The following PKD2L2 variants were observed in gnomAD, a reference collection of about 807,000 sequenced individuals.
The protein encoded by PKD2L2 is polycystin 2 like 2, transient receptor potential cation channel.
A neutral mutation model predicts 83.9 loss-of-function variants in PKD2L2; 67 were observed. That is an observed-to-expected ratio of 0.80 (90% CI 0.66 to 0.98). The LOEUF (loss-of-function observed/expected upper bound fraction) is 0.98. Among genes scored for constraint, PKD2L2 ranks in the 50% least tolerant of loss-of-function variants. The pLI is 0.00. For missense variants in PKD2L2, 632 were observed against 717.2 expected, an observed-to-expected ratio of 0.88 and a Z score of 1.36; for synonymous variants, 223 against 237.8, an observed-to-expected ratio of 0.94 and a Z score of 0.57.
intron 4 of PKD2L2, among the ~76,000 whole-genome samples, 153 bp from the exon 5 acceptor site, chr5:137,899,363 T>C (rs550007963): frequency 3.7e-4 from 56 of 152,330 alleles, no homozygotes; most frequent in African/African-American, 1.3e-3. Flanking sequence ...GGGATCCGCC[T>C]ACCTCGGCCT....
chr5:137,914,031 C>CTTTTTT (rs58118724), intron 8 of PKD2L2, among the ~76,000 whole-genome samples: 1 of 42,342 alleles, frequency 2.4e-5, no homozygotes, highest in African/African-American at 9.6e-5. Flanking sequence ...CCACACTTGG[C>CTTTTTT]TTTTTTTTTT....
intron 8 of PKD2L2, among the ~76,000 whole-genome samples, chr5:137,921,239 T>C (rs1156645506): frequency 6.6e-6 from 1 of 151,944 alleles, no homozygotes; most frequent in Non-Finnish European, 1.5e-5. Context: ...TGCACACCTG[T>C]AATCCCAGCT....
intron 14 of PKD2L2, among the ~76,000 whole-genome samples, chr5:137,936,953 G>A (rs183265998): frequency 5.8e-4 from 88 of 152,298 alleles, no homozygotes; most frequent in Non-Finnish European, 8.4e-4. Context: ...ATTTTATAAT[G>A]AGGTTTATTA....
Position 137,919,314 on chromosome 5 carries a change from T to C in PKD2L2, c.1329-2322T>C, listed in dbSNP as rs371028459. ...ACAAAATGGATAAACTAAGCTCTAA[T>C]TAAGAAAAGAGACACTGTATTTGGA... On this transcript the variant is annotated intron_variant, in intron 8 of 14. Coordinates refer to ENST00000508883, the MANE Select transcript of PKD2L2 (RefSeq NM_001300921.2). Among the ~76,000 whole-genome samples, 37 of 152,284 alleles carry C rather than the reference T, an allele frequency of 2.4e-4. No homozygotes were observed. The South Asian group carries it at 7.7e-3, about 32-fold the overall frequency.
intron 12 of PKD2L2, among the ~76,000 whole-genome samples, chr5:137,929,067 G>C (rs1186900758): frequency 6.6e-6 from 1 of 152,166 alleles, no homozygotes; most frequent in African/African-American, 2.4e-5. Context: ...TAATTGGGTA[G>C]TAGAGGAGAG....
chr5:137,889,487 C>T lies in PKD2L2; in HGVS notation c.-5C>T. ...AACGAACGGGCGGTGTAGTGCAGGTCCGCCATGGCTGAGGCGTCACGGTGG... is the reference window on the plus strand; with the variant it reads ...AACGAACGGGCGGTGTAGTGCAGGTTCGCCATGGCTGAGGCGTCACGGTGG... On this transcript the variant is annotated 5_prime_UTR_variant, in exon 1 of 15. Coordinates refer to ENST00000508883, the MANE Select transcript of PKD2L2 (RefSeq NM_001300921.2). The T allele has an allele frequency of 1.3e-6, 2 of 1,571,636 alleles. No individual in the cohort carries two copies. Among genetic ancestry groups the T allele is most frequent in the Non-Finnish European group, 1.7e-6 (2 of 1,163,640 alleles).
At chr5:137,907,634 C>T (rs573145830) in intron 6 of PKD2L2, 108 bp from the exon 7 acceptor site, 2 of 539,120 alleles carry the variant, frequency 3.7e-6, no homozygotes, top group East Asian at 3.0e-5. Context: ...TCTTTCCTTC[C>T]CTCTTTGTTA....
chr5:137,901,411 GA>G (rs61675049), intron 5 of PKD2L2, among the ~76,000 whole-genome samples: 117,240 of 150,326 alleles, frequency 0.78, 46,156 homozygotes, highest in East Asian at 0.94. Flanking sequence ...CCCTATTCTG[GA>G]AAAAAAAAAA....
chr5:137,937,997 C>A (rs1760639249), intron 14 of PKD2L2: 1 of 151,642 alleles, frequency 6.6e-6, no homozygotes, highest in African/African-American at 2.4e-5. Context: ...AAAGTCTGTA[C>A]AATGAAGTGC....
At chr5:137,920,590 C>G (rs1758801877) in intron 8 of PKD2L2, among the ~76,000 whole-genome samples, 1 of 151,952 alleles carries the variant, frequency 6.6e-6, no homozygotes, top group African/African-American at 2.4e-5. Context: ...AACCCCATCT[C>G]TACTAAAAAT....
intron 8 of PKD2L2, among the ~76,000 whole-genome samples, chr5:137,918,737 A>G (rs1758605589): frequency 6.6e-6 from 1 of 152,164 alleles, no homozygotes; most frequent in Non-Finnish European, 1.5e-5. Flanking sequence ...AATAGACTCT[A>G]GAGTTCCAAA....
chr5:137,940,047 C>G (rs1458823210), intron 14 of PKD2L2: 1 of 1,613,740 alleles, frequency 6.2e-7, no homozygotes. Context: ...CTTACGCTCC[C>G]TTGAGAGGGC....
intron 10 of PKD2L2, among the ~76,000 whole-genome samples, chr5:137,924,637 C>T (rs1759220455): frequency 1.3e-5 from 2 of 152,130 alleles, no homozygotes; most frequent in South Asian, 4.2e-4. Context: ...GAACTTTGTC[C>T]AAGAACTAAT....
intron 3 of PKD2L2, 38 bp downstream of exon 3, chr5:137,892,651 G>T (rs1280270319): frequency 6.3e-7 from 1 of 1,583,232 alleles, no homozygotes; most frequent in South Asian, 1.1e-5. Context: ...GTAGATTTAG[G>T]TAGTCCATGA....
At chr5:137,934,636 C>T (rs1321745935) in intron 12 of PKD2L2, among the ~76,000 whole-genome samples, 2 of 152,124 alleles carry the variant, frequency 1.3e-5, no homozygotes, top group Admixed American at 6.6e-5. Flanking sequence ...TGGCGAAACC[C>T]GTCTCTACTA....
Position 137,923,944 on chromosome 5 carries a change from T to C in PKD2L2, c.1551+423T>C, listed in dbSNP as rs370520951. 3.9e-5 allele frequency among the ~76,000 whole-genome samples: 6 copies of C among 152,346 alleles called. No homozygotes were observed. The East Asian group carries it at 5.8e-4, about 15-fold the overall frequency. Reference sequence around the variant, plus strand: ...TTCCTGTTTCTGTTCATGGCTACACTATCCTCTCAAGTCACTCCTGGCTCA... The same window carrying C: ...TTCCTGTTTCTGTTCATGGCTACACCATCCTCTCAAGTCACTCCTGGCTCA... On this transcript the variant is annotated intron_variant, in intron 10 of 14. Coordinates refer to ENST00000508883, the MANE Select transcript of PKD2L2 (RefSeq NM_001300921.2).
At chr5:137,928,581 G>A (rs558921536) in intron 12 of PKD2L2, among the ~76,000 whole-genome samples, 26 of 152,192 alleles carry the variant, frequency 1.7e-4, no homozygotes, top group African/African-American at 4.3e-4. Context: ...ACAGGCATGC[G>A]CCATCACACC....
intron 8 of PKD2L2, among the ~76,000 whole-genome samples, chr5:137,914,854 A>G (rs908988457): frequency 6.6e-6 from 1 of 152,186 alleles, no homozygotes; most frequent in African/African-American, 2.4e-5. Flanking sequence ...GTTGATTATC[A>G]AAATTTTTTC....
chr5:137,928,606 GT>G, intron 12 of PKD2L2, among the ~76,000 whole-genome samples: 1 of 152,068 alleles, frequency 6.6e-6, no homozygotes, highest in Non-Finnish European at 1.5e-5. Context: ...TAAATTTTGT[GT>G]TTTTTGTACA....
Sources: gnomAD v4.1 joint callset for allele counts (sites outside exome capture counted in the v4.1 genomes callset) on GRCh38, gnomAD v4.1.1 for gene constraint, MANE v1.5 for transcripts, NCBI Gene and HGNC (gene_info 2026-07-23, HGNC 2026-07-21) for gene names.